Variants in SBK1 observed in about 807,000 individuals in gnomAD.
SBK1 encodes serine/threonine-protein kinase SBK1.
SBK1 carries 11 observed loss-of-function variants against 24.4 expected under a neutral mutation model. The observed-to-expected ratio is 0.45, with a 90% CI of 0.28 to 0.75. The LOEUF is 0.75. SBK1 is among the 30% of genes least tolerant of loss of function. The pLI, the probability that SBK1 is intolerant of heterozygous loss-of-function variation, is 0.12. For synonymous variants in SBK1, 308 were observed against 284.4 expected, an observed-to-expected ratio of 1.08 and a Z score of -0.83; for missense variants, 467 against 620.5, an observed-to-expected ratio of 0.75 and a Z score of 2.63.
At chr16:28,309,446 A>G (rs2141585896) in intron 1 of SBK1, among the ~76,000 whole-genome samples, 1 of 152,060 alleles carries the variant, frequency 6.6e-6, no homozygotes, top group South Asian at 2.1e-4. Context: ...CGGATCATCC[A>G]CCTCTTGGGC....
chr16:28,318,955 G>C, intron 2 of SBK1, 40 bp from the exon 3 acceptor site: 1 of 1,520,734 alleles, frequency 6.6e-7, no homozygotes, highest in South Asian at 1.1e-5. Flanking sequence ...GGAGGCACTG[G>C]GAGAGGGGGC....
chr16:28,304,620 T>G (rs1423054428), intron 1 of SBK1, among the ~76,000 whole-genome samples: 1 of 152,184 alleles, frequency 6.6e-6, no homozygotes, highest in African/African-American at 2.4e-5. Context: ...TTTTTTGTTT[T>G]TTTTTGAGAC....
intron 1 of SBK1, chr16:28,285,611 C>G (rs2044560936): frequency 6.6e-6 from 1 of 152,228 alleles, no homozygotes; most frequent in African/African-American, 2.4e-5. Flanking sequence ...ACTCCCCGCA[C>G]CAGTCCTATT....
intron 1 of SBK1, among the ~76,000 whole-genome samples, chr16:28,271,259 T>C (rs1419850381): frequency 6.6e-6 from 1 of 151,908 alleles, no homozygotes. Context: ...AGAAAAACAA[T>C]AAAGAGTAAG....
chr16:28,269,848 C>T (rs958235645), intron 1 of SBK1, among the ~76,000 whole-genome samples: 2 of 151,944 alleles, frequency 1.3e-5, no homozygotes, highest in African/African-American at 4.8e-5. Context: ...TGCACTCCAG[C>T]CTGGGTGACA....
In SBK1 at chr16:28,320,564, C is replaced by T; in HGVS notation, c.918C>T (p.Ala306=). ...LALEPERRGP[A]KEVFRFLKHE... ...TGGAGCCCGAGCGCCGCGGCCCAGC[C>T]AAGGAGGTGTTCCGCTTCCTCAAGC... The change falls in exon 4 of 4, where the codon GCC becomes GCT. Residue 306 remains alanine, a synonymous_variant. Transcript: ENST00000341901. This position sits in a 1 kb window ranked among gnomAD's most constrained non-coding sequence, Gnocchi z 8.5. 1 of 1,545,648 alleles carries T rather than the reference C, an allele frequency of 6.5e-7. No homozygotes were observed. The highest frequency in any genetic ancestry group is 8.7e-7 in the Non-Finnish European group (1 of 1,153,010).
chr16:28,301,815 T>G (rs538108814), intron 1 of SBK1, among the ~76,000 whole-genome samples: 2 of 152,352 alleles, frequency 1.3e-5, no homozygotes, highest in Non-Finnish European at 2.9e-5. Context: ...ATGAGCATTC[T>G]CAGCCCCATT....
intron 2 of SBK1, among the ~76,000 whole-genome samples, chr16:28,318,485 G>A (rs1018499337): frequency 6.6e-6 from 1 of 152,260 alleles, no homozygotes; most frequent in African/African-American, 2.4e-5. Context: ...TGTGAGTTGT[G>A]AATGTGCAGT....
At chr16:28,307,172 T>G (rs1364986482) in intron 1 of SBK1, among the ~76,000 whole-genome samples, 1 of 150,638 alleles carries the variant, frequency 6.6e-6, no homozygotes, top group African/African-American at 2.4e-5. Context: ...GGGAGGAGAG[T>G]GATGATAAAT....
At chr16:28,280,042 C>T (rs1251555041) in intron 1 of SBK1, among the ~76,000 whole-genome samples, 2 of 145,232 alleles carry the variant, frequency 1.4e-5, no homozygotes, top group Non-Finnish European at 3.0e-5. Flanking sequence ...AATACAGTGG[C>T]ACAAACATAG....
In SBK1 at chr16:28,323,846, A is replaced by G. The variant is rs2044877271; in HGVS notation, c.*2925A>G. On this transcript the variant is annotated 3_prime_UTR_variant, in exon 4 of 4. Coordinates refer to ENST00000341901, the MANE Select transcript of SBK1 (RefSeq NM_001024401.3). ...TAAAAATAAACAAAAGTTTAGAAAA[A>G]TGACCACTGGGTGGCTGTCTTTTCT... 6.6e-6 allele frequency: 1 copy of G among 152,280 alleles called. No homozygotes were observed. The highest frequency in any genetic ancestry group is 1.5e-5 in the Non-Finnish European group (1 of 68,020). The allele number at this position is 152,280 out of a possible 1,614,324, so 9.4% of individuals were successfully genotyped here. A position where few individuals can be genotyped will look rare whatever the true frequency, so the allele number is the denominator to read the frequency against.
intron 1 of SBK1, among the ~76,000 whole-genome samples, chr16:28,310,584 C>A (rs185212135): frequency 1.3e-5 from 2 of 152,312 alleles, no homozygotes; most frequent in Admixed American, 1.3e-4. Flanking sequence ...CTGCTCACAC[C>A]TGTAATCCCA....
chr16:28,282,763 C>T (rs889280576), intron 1 of SBK1, among the ~76,000 whole-genome samples: 5 of 152,130 alleles, frequency 3.3e-5, no homozygotes, highest in African/African-American at 7.2e-5. Flanking sequence ...AACCATTCTT[C>T]GAGGGCAGGG....
At chr16:28,273,626 G>A (rs1009497952) in intron 1 of SBK1, among the ~76,000 whole-genome samples, 1 of 151,888 alleles carries the variant, frequency 6.6e-6, no homozygotes, top group African/African-American at 2.4e-5. Flanking sequence ...TAGAGATGGG[G>A]TTATGCCGTG....
chr16:28,312,428 G>A (rs1023218320), intron 1 of SBK1, among the ~76,000 whole-genome samples: 8 of 152,172 alleles, frequency 5.3e-5, no homozygotes, highest in African/African-American at 9.7e-5. Context: ...CGGAGATGTC[G>A]CCCCATGTAA....
At chr16:28,289,691 C>T (rs185271407), upstream of SBK1, among the ~76,000 whole-genome samples, 126 of 151,512 alleles carry the variant, frequency 8.3e-4, 1 homozygote, top group African/African-American at 2.6e-3. Context: ...CACTTGAACC[C>T]GGGAGACGGA....
At position 28,320,987 on chromosome 16, in the gene SBK1, C is replaced by G. The variant is rs1377111011; in HGVS notation, c.*66C>G. ...CGCCCCGAGCCGGTGCCCGGTGCGGCGGTAGGGAATGGAGCCACCTCGCCG... is the reference window on the plus strand; with the variant it reads ...CGCCCCGAGCCGGTGCCCGGTGCGGGGGTAGGGAATGGAGCCACCTCGCCG... On this transcript the variant is annotated 3_prime_UTR_variant, in exon 4 of 4. Transcript: ENST00000341901. This position sits in a 1 kb window ranked among gnomAD's most constrained non-coding sequence, Gnocchi z 8.5. 7.7e-7 allele frequency: 1 copy of G among 1,300,032 alleles called. No homozygotes were observed. Among genetic ancestry groups the G allele is most frequent in the Non-Finnish European group, 9.8e-7 (1 of 1,020,350 alleles). The allele number at this position is 1,300,032 out of a possible 1,614,324, so 80.5% of individuals were successfully genotyped here.
chr16:28,282,701 GGCA>G (rs2044540922), intron 1 of SBK1, among the ~76,000 whole-genome samples: 2 of 152,070 alleles, frequency 1.3e-5, no homozygotes, highest in Non-Finnish European at 2.9e-5. Context: ...GGCCCCATAT[GGCA>G]GCCCAGGCAG....
chr16:28,322,913 GCGCGCGCTCTCTCTCTCCCTCT>G lies in SBK1; in HGVS notation c.*1994_*2015del, dbSNP rs1239926152. ...CCTTGCCGTGCTCGCTCTCTCTCTCGCGCGCGCTCTCTCTCTCCCTCTCTCTCTCTCTCTCTCTCTCTCTCTC... is the reference window on the plus strand; with the variant it reads ...CCTTGCCGTGCTCGCTCTCTCTCTCGCTCTCTCTCTCTCTCTCTCTCTCTC... On this transcript the variant is annotated 3_prime_UTR_variant, in exon 4 of 4. Coordinates refer to ENST00000341901, the MANE Select transcript of SBK1 (RefSeq NM_001024401.3). 3.5e-4 allele frequency: 33 copies of G among 94,694 alleles called. No homozygotes were observed. Among genetic ancestry groups the G allele is most frequent in the African/African-American group, 1.3e-3 (33 of 25,978 alleles). The allele number at this position is 94,694 out of a possible 1,614,324, so 5.9% of individuals were successfully genotyped here.
Sources: gnomAD v4.1 joint callset for allele counts (sites outside exome capture counted in the v4.1 genomes callset) on GRCh38, gnomAD v4.1.1 for gene constraint, Gnocchi (gnomAD v3.1) non-coding constraint, MANE v1.5 for transcripts, NCBI Gene and HGNC (gene_info 2026-07-23, HGNC 2026-07-21) for gene names.